The following BTAF1 variants were observed in gnomAD, a reference collection of about 807,000 sequenced individuals.
The protein encoded by BTAF1 is B-TFIID TATA-box binding protein associated factor 1, also known as TATA-binding protein-associated factor 172.
Under a neutral mutation model 227.1 loss-of-function variants are expected in BTAF1, and 38 were observed. The ratio of observed to expected loss-of-function variants is 0.17; its 90% CI spans 0.13 to 0.22. BTAF1 has a LOEUF of 0.22. Among genes scored for constraint, BTAF1 ranks in the 10% least tolerant of loss-of-function variants. The pLI is 1.00. For synonymous variants in BTAF1, 742 were observed against 751.9 expected (o/e 0.99, Z 0.21); for missense variants, 1,598 against 2,204.0 (o/e 0.73, Z 5.51).
chr10:91,982,807 A>G lies in BTAF1; in HGVS notation c.2223+46A>G, dbSNP rs558742160. The G allele has an allele frequency of 1.4e-5, 21 of 1,516,450 alleles. No individual in the cohort carries two copies. In the South Asian group the frequency reaches 1.5e-4, roughly 10 times the overall value. The allele number at this position is 1,516,450 out of a possible 1,614,324, so 93.9% of individuals were successfully genotyped here. A position where few individuals can be genotyped will look rare whatever the true frequency, so the allele number is the denominator to read the frequency against. On this transcript the variant is annotated intron_variant, in intron 18 of 37. Coordinates refer to ENST00000265990, the MANE Select transcript of BTAF1 (RefSeq NM_003972.3). ...TAATAAAGACAAATTAAGTAAACCA[A>G]TTTCCATTAGCTGTTAGGATTATTT...
intron 1 of BTAF1, among the ~76,000 whole-genome samples, chr10:91,934,357 C>T (rs1844458987): frequency 6.6e-6 from 1 of 152,044 alleles, no homozygotes; most frequent in Non-Finnish European, 1.5e-5. Flanking sequence ...CTGCCTCAGC[C>T]TCCCTAGTAG....
chr10:91,939,050 T>C (rs1844831403), intron 2 of BTAF1, among the ~76,000 whole-genome samples: 1 of 152,068 alleles, frequency 6.6e-6, no homozygotes, highest in African/African-American at 2.4e-5. Context: ...AGTATATTAC[T>C]GTTGTAACAA....
At position 91,981,611 on chromosome 10, in the gene BTAF1, A is replaced by G. The variant is rs781528400; in HGVS notation, c.1756-32A>G. Reference sequence around the variant, plus strand: ...TTAGAGTTTATTTTTATTAGAAAAAATTCACTTTCATGTCCCCCTTTTACC... The same window carrying G: ...TTAGAGTTTATTTTTATTAGAAAAAGTTCACTTTCATGTCCCCCTTTTACC... On this transcript the variant is annotated intron_variant, in intron 15 of 37. Coordinates refer to ENST00000265990, the MANE Select transcript of BTAF1 (RefSeq NM_003972.3). 3.2e-6 allele frequency: 5 copies of G among 1,545,868 alleles called. No individual in the cohort carries two copies. In the African/African-American group the frequency reaches 5.6e-5, roughly 17 times the overall value.
intron 28 of BTAF1, among the ~76,000 whole-genome samples, 176 bp downstream of exon 28, chr10:92,009,384 T>C (rs1321026984): frequency 6.6e-6 from 1 of 152,222 alleles, no homozygotes; most frequent in Non-Finnish European, 1.5e-5. Flanking sequence ...CTCATCAAAA[T>C]TGAGGAATTT....
intron 14 of BTAF1, among the ~76,000 whole-genome samples, chr10:91,967,932 G>C (rs1375795688): frequency 2.0e-5 from 3 of 152,084 alleles, no homozygotes; most frequent in African/African-American, 7.2e-5. Flanking sequence ...GAAAAGTACA[G>C]AAAGTTCCTG....
chr10:91,961,612 CA>C (rs1846522185), intron 11 of BTAF1, among the ~76,000 whole-genome samples: 2 of 152,290 alleles, frequency 1.3e-5, no homozygotes, highest in Non-Finnish European at 2.9e-5. Flanking sequence ...CTCTTACCCC[CA>C]TAAACAAAAC....
chr10:91,934,127 G>A (rs958833675), intron 1 of BTAF1, among the ~76,000 whole-genome samples: 3 of 152,180 alleles, frequency 2.0e-5, no homozygotes, highest in African/African-American at 7.2e-5. Context: ...TATGTGTAAA[G>A]TAAATTAATT....
Position 92,018,854 on chromosome 10 carries a change from G to T in BTAF1, c.4782G>T (p.Lys1594Asn). 9 of 1,611,248 alleles carry T rather than the reference G, an allele frequency of 5.6e-6. No homozygotes were observed. The highest frequency in any genetic ancestry group is 7.6e-6 in the Non-Finnish European group (9 of 1,179,176). Residue 1594 changes from lysine (K) to asparagine (N), a missense_variant, in exon 34 of 38, where the codon AAG becomes AAT. Coordinates refer to ENST00000265990, the MANE Select transcript of BTAF1 (RefSeq NM_003972.3). ...TAACACCTCAACATCCAGAATTCAA[G>T]ACCACTGCCGAAAAACTGGCAGTTC... is the stretch of plus-strand genomic sequence containing the variant. Reference protein sequence around the residue: ...LVLTPQHPEFKTTAEKLAVQN... With the variant: ...LVLTPQHPEFNTTAEKLAVQN...
At chr10:91,927,173 T>C (rs1843907969) in intron 1 of BTAF1, among the ~76,000 whole-genome samples, 2 of 152,030 alleles carry the variant, frequency 1.3e-5, no homozygotes, top group East Asian at 1.9e-4. Context: ...AGTTTTGCTC[T>C]TGTTGCCCAC....
At chr10:91,968,007 T>C (rs1847042248) in intron 14 of BTAF1, among the ~76,000 whole-genome samples, 2 of 152,202 alleles carry the variant, frequency 1.3e-5, no homozygotes, top group South Asian at 4.1e-4. Context: ...CTTGCATTAG[T>C]GTGGTACATT....
rs1433335712 is a variant in BTAF1 at position 92,031,385 on chromosome 10, T to C, written c.*2452T>C. Among the ~76,000 whole-genome samples the C allele has an allele frequency of 6.6e-6, 1 of 152,242 alleles. No homozygotes were observed. The stretch of plus-strand genomic sequence containing the variant: ...TGAACTGGTATAGCCTTATTCCTTC[T>C]GGATGGTTTATATGAACTTACTTAT... On this transcript the variant is annotated 3_prime_UTR_variant, in exon 38 of 38. Coordinates refer to ENST00000265990, the MANE Select transcript of BTAF1 (RefSeq NM_003972.3).
intron 3 of BTAF1, among the ~76,000 whole-genome samples, chr10:91,940,448 T>TAA (rs1208714516): frequency 6.6e-6 from 1 of 152,054 alleles, no homozygotes; most frequent in African/African-American, 2.4e-5. Flanking sequence ...TTAAGCACAA[T>TAA]TATATATGGA....
At chr10:91,997,106 TGAA>T in intron 24 of BTAF1, 1 of 1,287,976 alleles carries the variant, frequency 7.8e-7, no homozygotes, top group East Asian at 5.5e-5. Context: ...AAAAGATGGA[TGAA>T]GATCAAATCA....
At position 92,028,862 on chromosome 10, in the gene BTAF1, A is replaced by G. The variant is rs1851712751; in HGVS notation, c.5479A>G (p.Ser1827Gly). 1 of 1,609,730 alleles carries G rather than the reference A, an allele frequency of 6.2e-7. No homozygotes were observed. Among genetic ancestry groups the G allele is most frequent in the Non-Finnish European group, 8.5e-7 (1 of 1,178,364 alleles). ...ASMKSILENLSDLWDQEQYDS... is the reference protein window; with the variant it reads ...ASMKSILENLGDLWDQEQYDS... ...TATGAAATCAATTCTTGAAAACCTG[A>G]GTGATCTTTGGGATCAAGAGCAGTA... is the stretch of plus-strand genomic sequence containing the variant. The change falls in exon 38 of 38, where the codon AGT (serine) becomes GGT (glycine). Residue 1827 changes from serine to glycine, a missense_variant. This residue lies in a region of BTAF1 where 79 missense variants were observed against 97.9 expected (regional missense o/e 0.81). Transcript: ENST00000265990.
At chr10:91,927,929 A>ACTATTTCC (rs1843965269) in intron 1 of BTAF1, among the ~76,000 whole-genome samples, 2 of 149,900 alleles carry the variant, frequency 1.3e-5, no homozygotes. Flanking sequence ...TGCATAGTAG[A>ACTATTTCC]CTATTTCCAG....
At chr10:91,997,275 ATTTT>A in intron 24 of BTAF1, 1 of 710,182 alleles carries the variant, frequency 1.4e-6, no homozygotes, top group Non-Finnish European at 2.1e-6. Context: ...AATGTGACTT[ATTTT>A]ATTTTGACAT....
At chr10:92,019,019 T>A in intron 34 of BTAF1, 84 bp downstream of exon 34, 1 of 1,277,760 alleles carries the variant, frequency 7.8e-7, no homozygotes, top group Non-Finnish European at 1.0e-6. Flanking sequence ...TAAAGATTAC[T>A]ACTGTGTTTA....
Position 91,956,607 on chromosome 10 carries a change from T to G in BTAF1, c.781T>G (p.Ser261Ala). The change falls in exon 7 of 38, where the codon TCC becomes GCC. Residue 261 changes from serine (S) to alanine (A), a missense_variant. Transcript: ENST00000265990. ...TGTTATTAATCAGTCTGCAAATGAT[T>G]CCAAAGTCTTGATTGATAATATTCC... Reference protein sequence around the residue: ...NVVINQSANDSKVLIDNIPDS... With the variant: ...NVVINQSANDAKVLIDNIPDS... The G allele has an allele frequency of 6.2e-7, 1 of 1,609,510 alleles. No homozygotes were observed. The highest frequency in any genetic ancestry group is 1.1e-5 in the South Asian group (1 of 90,222).
intron 19 of BTAF1, among the ~76,000 whole-genome samples, chr10:91,988,823 C>T (rs573612343): frequency 6.6e-6 from 1 of 152,260 alleles, no homozygotes; most frequent in East Asian, 1.9e-4. Flanking sequence ...TTTATATTTG[C>T]CTGTAGCTTT....
Sources: allele counts gnomAD v4.1 joint callset (sites outside exome capture counted in the v4.1 genomes callset), GRCh38; gene constraint gnomAD v4.1.1; regional missense constraint gnomAD v4.1.1; transcripts MANE v1.5; gene names NCBI Gene and HGNC (gene_info 2026-07-23, HGNC 2026-07-21).